Variants in BTBD9 observed in about 807,000 individuals in gnomAD.
BTBD9 encodes the protein BTB/POZ domain-containing protein 9.
In BTBD9, 49 loss-of-function variants were observed where a neutral mutation model predicts 64.3. The ratio of observed to expected loss-of-function variants is 0.76; its 90% CI spans 0.61 to 0.97. The LOEUF (loss-of-function observed/expected upper bound fraction) is 0.97, where lower values mean the gene tolerates loss of function less well. Among genes scored for constraint, BTBD9 ranks in the 50% least tolerant of loss-of-function variants. BTBD9 has a pLI of 0.00. For synonymous variants in BTBD9, 260 were observed against 274.7 expected, an observed-to-expected ratio of 0.95 and a Z score of 0.53; for missense variants, 598 against 762.1, an observed-to-expected ratio of 0.78 and a Z score of 2.53.
intron 6 of BTBD9, among the ~76,000 whole-genome samples, chr6:38,386,046 G>C (rs1391560341): frequency 6.6e-6 from 1 of 151,704 alleles, no homozygotes. Flanking sequence ...CACCCAACTC[G>C]GCCTCCCAAA....
At position 38,201,351 on chromosome 6, in the gene BTBD9, C is replaced by T. The variant is rs1175065920; in HGVS notation, c.1563-8754G>A. On this transcript the variant is annotated intron_variant, in intron 9 of 10. Transcript: ENST00000481247. ...AAATCGAGGACAAAAACCATATGAT[C>T]ATTTCAATAGACACAGAAAAAGCAT... Among the ~76,000 whole-genome samples the T allele has an allele frequency of 2.6e-5, 4 of 152,158 alleles. 1 individual carries two copies. Among genetic ancestry groups the T allele is most frequent in the Admixed American group, 2.6e-4 (4 of 15,254 alleles).
At chr6:38,325,273 G>C (rs1763377823) in intron 7 of BTBD9, among the ~76,000 whole-genome samples, 1 of 152,060 alleles carries the variant, frequency 6.6e-6, no homozygotes, top group Non-Finnish European at 1.5e-5. Context: ...AAAGAGAAGG[G>C]AACAGAAGCA....
At chr6:38,183,218 C>T (rs1397432289) in intron 10 of BTBD9, among the ~76,000 whole-genome samples, 1 of 152,204 alleles carries the variant, frequency 6.6e-6, no homozygotes, top group Non-Finnish European at 1.5e-5. Flanking sequence ...ACCTCGTGAT[C>T]TGCCCGCCTC....
At chr6:38,379,286 T>C (rs746697181) in intron 6 of BTBD9, among the ~76,000 whole-genome samples, 31 of 152,084 alleles carry the variant, frequency 2.0e-4, no homozygotes, top group Non-Finnish European at 3.8e-4. Context: ...CAAAAGGAGA[T>C]AGGGCTGAAA....
intron 6 of BTBD9, among the ~76,000 whole-genome samples, chr6:38,368,030 T>G (rs1370295342): frequency 6.6e-6 from 1 of 152,176 alleles, no homozygotes; most frequent in East Asian, 1.9e-4. Flanking sequence ...CTTTTTGTTC[T>G]TAGCTTTTAG....
chr6:38,457,498 G>T (rs1306358406), intron 6 of BTBD9, among the ~76,000 whole-genome samples: 2 of 151,464 alleles, frequency 1.3e-5, no homozygotes, highest in Non-Finnish European at 2.9e-5. Context: ...TTTTTTAAAG[G>T]CAGGATCAAG....
chr6:38,267,833 G>A (rs1427552398), intron 8 of BTBD9, among the ~76,000 whole-genome samples: 3 of 152,096 alleles, frequency 2.0e-5, no homozygotes, highest in Admixed American at 1.3e-4. Flanking sequence ...CCAGCTACTC[G>A]GGAGGCTGAG....
chr6:38,285,027 G>A (rs1220102877), intron 8 of BTBD9, among the ~76,000 whole-genome samples: 1 of 152,240 alleles, frequency 6.6e-6, no homozygotes, highest in South Asian at 2.1e-4. Context: ...CGCAGGACAC[G>A]AGGTTGTATA....
chr6:38,458,046 G>A (rs1769899311), intron 6 of BTBD9, among the ~76,000 whole-genome samples: 1 of 152,144 alleles, frequency 6.6e-6, no homozygotes. Context: ...CAGAGAGCAA[G>A]CTTTACGCGC....
chr6:38,390,182 C>CT (rs555476881), intron 6 of BTBD9, among the ~76,000 whole-genome samples: 120 of 152,038 alleles, frequency 7.9e-4, no homozygotes, highest in African/African-American at 2.7e-3. Context: ...GATTTTCTTT[C>CT]TTTTTTTTGA....
intron 9 of BTBD9, among the ~76,000 whole-genome samples, chr6:38,231,750 G>A (rs1183685205): frequency 1.3e-5 from 2 of 152,212 alleles, no homozygotes; most frequent in Non-Finnish European, 1.5e-5. Flanking sequence ...GCAGTGCTGT[G>A]GCCTAGCCGC....
At position 38,239,531 on chromosome 6, in the gene BTBD9, G is replaced by A. The variant is rs143972238; in HGVS notation, c.1562+16878C>T. Among the ~76,000 whole-genome samples, 405 of 152,054 alleles carry A rather than the reference G, an allele frequency of 2.7e-3. 2 individuals carry two copies. Among genetic ancestry groups the A allele is most frequent in the African/African-American group, 8.9e-3 (367 of 41,466 alleles). On this transcript the variant is annotated intron_variant, in intron 9 of 10. Coordinates refer to ENST00000481247, the MANE Select transcript of BTBD9 (RefSeq NM_001099272.2). ...GCAGTTTTATCACCCAAGCTACTGG[G>A]CTAAGCTTCAGGATACCAAACCCTT...
intron 6 of BTBD9, among the ~76,000 whole-genome samples, chr6:38,502,188 T>C (rs1206470394): frequency 6.6e-6 from 1 of 152,198 alleles, no homozygotes; most frequent in Non-Finnish European, 1.5e-5. Context: ...CTGCTCACCA[T>C]GGTCTGTTCT....
At chr6:38,618,919 C>T (rs979712637) in intron 1 of BTBD9, among the ~76,000 whole-genome samples, 5 of 152,214 alleles carry the variant, frequency 3.3e-5, no homozygotes, top group South Asian at 4.1e-4. Flanking sequence ...CCCTACCAGT[C>T]AGCAAGCCGT....
chr6:38,251,321 G>A (rs13199944), intron 9 of BTBD9, among the ~76,000 whole-genome samples: 1 of 149,698 alleles, frequency 6.7e-6, no homozygotes, highest in African/African-American at 2.5e-5. Flanking sequence ...ATGGAGTGCA[G>A]TGGCACAATC....
chr6:38,331,406 G>A (rs1166508179), intron 7 of BTBD9, among the ~76,000 whole-genome samples: 1 of 152,102 alleles, frequency 6.6e-6, no homozygotes, highest in Non-Finnish European at 1.5e-5. Context: ...TTGAACCCAG[G>A]AGTGGAAGTT....
At chr6:38,189,650 C>G (rs1171656761) in intron 10 of BTBD9, among the ~76,000 whole-genome samples, 1 of 149,618 alleles carries the variant, frequency 6.7e-6, no homozygotes, top group Non-Finnish European at 1.5e-5. Context: ...ACCACCGTGT[C>G]TGCTAATTGG....
intron 6 of BTBD9, among the ~76,000 whole-genome samples, chr6:38,567,697 A>G (rs981206013): frequency 5.3e-5 from 8 of 151,836 alleles, no homozygotes; most frequent in African/African-American, 1.9e-4. Context: ...CTTCTGGTCT[A>G]CTCTCCCTTG....
At chr6:38,525,556 G>T (rs1375095344) in intron 6 of BTBD9, among the ~76,000 whole-genome samples, 1 of 152,252 alleles carries the variant, frequency 6.6e-6, no homozygotes, top group Non-Finnish European at 1.5e-5. Context: ...AAGACAGGAA[G>T]ATGAAGTTTG....
Sources: gnomAD v4.1 joint callset for allele counts (sites outside exome capture counted in the v4.1 genomes callset) on GRCh38, gnomAD v4.1.1 for gene constraint, MANE v1.5 for transcripts, NCBI Gene and HGNC (gene_info 2026-07-23, HGNC 2026-07-21) for gene names.